VPS41: variants seen among roughly 807,000 people sequenced by gnomAD.
VPS41 encodes VPS41 subunit of HOPS complex, also known as vacuolar protein sorting-associated protein 41 homolog.
Under a neutral mutation model 130.9 loss-of-function variants are expected in VPS41, and 85 were observed. The ratio of observed to expected loss-of-function variants is 0.65; its 90% CI spans 0.55 to 0.78. The LOEUF is 0.78. Ranked by LOEUF, VPS41 falls within the 30% of genes least tolerant of loss-of-function variation. VPS41 has a pLI of 0.00. For missense variants in VPS41, 874 were observed against 1,018.7 expected (o/e 0.86, Z 1.93); for synonymous variants, 335 against 332.9 (o/e 1.01, Z -0.07).
chr7:38,821,717 A>AAG (rs1042128873), intron 5 of VPS41, among the ~76,000 whole-genome samples: 2 of 151,174 alleles, frequency 1.3e-5, no homozygotes, highest in African/African-American at 2.4e-5. Context: ...AAAAAAAAAA[A>AAG]AAAAGAAAAA....
chr7:38,728,698 C>T lies in VPS41; in HGVS notation c.2353G>A (p.Val785Ile). The T allele has an allele frequency of 6.2e-7, 1 of 1,614,144 alleles. No individual in the cohort carries two copies. Among genetic ancestry groups the T allele is most frequent in the Non-Finnish European group, 8.5e-7 (1 of 1,180,006 alleles). ...TTATTTCAATTTTACCCACCATCAACAAGAACACCTTTCATTTGAGTTCGG... is the reference window on the plus strand; with the variant it reads ...TTATTTCAATTTTACCCACCATCAATAAGAACACCTTTCATTTGAGTTCGG... ...MHRTQMKGVL[V>I]DEENICESCL... Residue 785 changes from valine to isoleucine, a missense_variant, in exon 26 of 29, where the codon GTT becomes ATT. Val to Ile is a conservative substitution (Grantham distance 29). Transcript: ENST00000310301.
intron 22 of VPS41, among the ~76,000 whole-genome samples, chr7:38,750,081 G>T (rs777093848): frequency 6.6e-6 from 1 of 152,154 alleles, no homozygotes; most frequent in Non-Finnish European, 1.5e-5. Context: ...CACCAGGCTG[G>T]TCTCAAACTC....
At chr7:38,754,850 C>G in intron 20 of VPS41, 45 bp downstream of exon 20, 1 of 1,598,644 alleles carries the variant, frequency 6.3e-7, no homozygotes, top group Non-Finnish European at 8.6e-7. Flanking sequence ...TATAGGAGTC[C>G]CAGACGTTCA....
chr7:38,879,617 G>A (rs1157309209), intron 2 of VPS41, among the ~76,000 whole-genome samples: 3 of 152,230 alleles, frequency 2.0e-5, no homozygotes, highest in East Asian at 1.9e-4. Context: ...TGATGGTCTC[G>A]GTTTGGGGAT....
intron 5 of VPS41, among the ~76,000 whole-genome samples, chr7:38,828,974 A>G (rs1034926483): frequency 2.0e-5 from 3 of 152,182 alleles, no homozygotes; most frequent in Non-Finnish European, 2.9e-5. Flanking sequence ...TCTTTCAACA[A>G]ATTAGTTCGG....
intron 6 of VPS41, among the ~76,000 whole-genome samples, chr7:38,818,164 G>T (rs1785096942): frequency 6.6e-6 from 1 of 151,806 alleles, no homozygotes; most frequent in Non-Finnish European, 1.5e-5. Context: ...CTGTATAGAG[G>T]CAGCAAGGGA....
intron 19 of VPS41, 139 bp from the exon 20 acceptor site, chr7:38,755,075 T>C (rs1020772692): frequency 1.5e-6 from 1 of 672,408 alleles, no homozygotes; most frequent in Admixed American, 2.9e-5. Context: ...GGCTTTACAA[T>C]GGCTCTTATG....
At chr7:38,781,501 C>A (rs1451225588) in intron 10 of VPS41, among the ~76,000 whole-genome samples, 1 of 152,190 alleles carries the variant, frequency 6.6e-6, no homozygotes, top group African/African-American at 2.4e-5. Flanking sequence ...TGTTTCTCTG[C>A]ATTTTCATGA....
chr7:38,824,092 C>T (rs1785224823), intron 5 of VPS41, among the ~76,000 whole-genome samples: 1 of 152,134 alleles, frequency 6.6e-6, no homozygotes, highest in African/African-American at 2.4e-5. Context: ...AAATGGCCAC[C>T]TTGATGAAGC....
At position 38,728,820 on chromosome 7, in the gene VPS41, A is replaced by C. The variant is rs767220976; in HGVS notation, c.2260-29T>G. 3.7e-6 allele frequency: 6 copies of C among 1,603,078 alleles called. No homozygotes were observed. In the East Asian group the frequency reaches 1.3e-4, roughly 36 times the overall value. On this transcript the variant is annotated intron_variant, in intron 25 of 28. Coordinates refer to ENST00000310301, the MANE Select transcript of VPS41 (RefSeq NM_014396.4). ...ATGCATACATTTTAAAAGAAAAGCCATCTTAAGTAGACTCAAATCTGAGGG... is the reference window on the plus strand; with the variant it reads ...ATGCATACATTTTAAAAGAAAAGCCCTCTTAAGTAGACTCAAATCTGAGGG...
intron 2 of VPS41, among the ~76,000 whole-genome samples, chr7:38,889,817 GTTTCTTAAATGACA>G (rs1307977441): frequency 6.6e-6 from 1 of 152,116 alleles, no homozygotes; most frequent in Non-Finnish European, 1.5e-5. Context: ...CTTTTCATGA[GTTTCTTAAATGACA>G]TTTGATAGTT....
rs142474463 is a variant in VPS41, at chr7:38,892,510, G to A, written c.60+5581C>T. Among the ~76,000 whole-genome samples the A allele has an allele frequency of 4.9e-3, 745 of 152,256 alleles. 5 individuals are homozygous for A. The highest frequency in any genetic ancestry group is 0.017 in the African/African-American group (719 of 41,540). ...AGGGTAGACTTCTCACACGATACTT[G>A]TTCCATTACATCTTTGCTCCAAAGG... On this transcript the variant is annotated intron_variant, in intron 2 of 28. Transcript: ENST00000310301.
chr7:38,841,059 T>C (rs1242660823), intron 4 of VPS41, among the ~76,000 whole-genome samples: 1 of 152,218 alleles, frequency 6.6e-6, no homozygotes, highest in African/African-American at 2.4e-5. Context: ...GTTAAAATAT[T>C]TACAGTTTGA....
At chr7:38,866,335 T>C (rs765373159) in intron 3 of VPS41, among the ~76,000 whole-genome samples, 1 of 152,200 alleles carries the variant, frequency 6.6e-6, no homozygotes, top group African/African-American at 2.4e-5. Flanking sequence ...AGGTGGCAGA[T>C]GGGTTTAAAG....
Position 38,830,334 on chromosome 7 carries a change from A to C in VPS41, c.247-6T>G, listed in dbSNP as rs1287953001. 2 of 1,587,862 alleles carry C rather than the reference A, an allele frequency of 1.3e-6. No homozygotes were observed. Among genetic ancestry groups the C allele is most frequent in the East Asian group, 2.2e-5 (1 of 44,722 alleles). On this transcript the variant is annotated splice_polypyrimidine_tract_variant and splice_region_variant and intron_variant, in intron 4 of 28. Transcript: ENST00000310301. Reference sequence around the variant, plus strand: ...TGATTTATCTTCACAGGACTCTAAAAAGAAAAAGACAAAAAGATGTGTAAA... The same window carrying C: ...TGATTTATCTTCACAGGACTCTAAACAGAAAAAGACAAAAAGATGTGTAAA...
At chr7:38,865,263 T>C (rs768174891) in intron 3 of VPS41, among the ~76,000 whole-genome samples, 1 of 152,118 alleles carries the variant, frequency 6.6e-6, no homozygotes, top group Non-Finnish European at 1.5e-5. Flanking sequence ...AATAGAAACA[T>C]GGACTTCAGA....
chr7:38,748,333 T>C (rs1360534991), intron 22 of VPS41, among the ~76,000 whole-genome samples: 3 of 152,188 alleles, frequency 2.0e-5, no homozygotes, highest in Admixed American at 1.3e-4. Flanking sequence ...CTCCTCTTTC[T>C]GATTTAGTAT....
chr7:38,789,603 T>C (rs182055931), intron 10 of VPS41, among the ~76,000 whole-genome samples, 198 bp downstream of exon 10: 20 of 152,236 alleles, frequency 1.3e-4, no homozygotes, highest in Admixed American at 7.2e-4. Flanking sequence ...AACTGAAGGA[T>C]GATGACAAGA....
intron 10 of VPS41, among the ~76,000 whole-genome samples, chr7:38,778,581 A>C (rs532651584): frequency 6.6e-6 from 1 of 152,292 alleles, no homozygotes; most frequent in East Asian, 1.9e-4. Context: ...GACTGGTAGA[A>C]ATGGACTTGC....
Sources: gnomAD v4.1 joint callset for allele counts (sites outside exome capture counted in the v4.1 genomes callset) on GRCh38, gnomAD v4.1.1 for gene constraint, MANE v1.5 for transcripts, NCBI Gene and HGNC (gene_info 2026-07-23, HGNC 2026-07-21) for gene names.